The following TBC1D21 variants were observed in gnomAD, a reference collection of about 807,000 sequenced individuals.
TBC1D21 encodes the protein male germ cell Rab GTPase-activating protein.
Under a neutral mutation model 46.0 loss-of-function variants are expected in TBC1D21, and 38 were observed. The ratio of observed to expected loss-of-function variants is 0.83; its 90% CI spans 0.64 to 1.08. The LOEUF is 1.08. Ranked by LOEUF, TBC1D21 falls within the 50% of genes least tolerant of loss-of-function variation. The probability of loss-of-function intolerance (pLI) is 0.00; values close to 1 mark genes in which losing one functional copy is unlikely to be tolerated. For missense variants in TBC1D21, 415 were observed against 417.9 expected (o/e 0.99, Z 0.06); for synonymous variants, 151 against 157.2 (o/e 0.96, Z 0.29).
At chr15:73,899,192 T>C in the TBC1D21 span, among the ~76,000 whole-genome samples, 5 of 152,048 alleles carry the variant, frequency 3.3e-5, no homozygotes, top group African/African-American at 1.2e-4. Flanking sequence ...AGAGGTCTGA[T>C]GAGCTTCAGT....
At chr15:73,888,606 T>TCCTCCTCCTCCTCC (rs2068300068) in intron 10 of TBC1D21, 93 bp downstream of exon 10, 1 of 758,260 alleles carries the variant, frequency 1.3e-6, no homozygotes, top group Admixed American at 2.3e-5. Flanking sequence ...CCTCCTCCTC[T>TCCTCCTCCTCCTCC]TCTTCCTCCT....
chr15:73,901,078 C>T, the TBC1D21 span, among the ~76,000 whole-genome samples: 393 of 152,314 alleles, frequency 2.6e-3, no homozygotes, highest in Non-Finnish European at 4.6e-3. Context: ...ACCAGGCCCA[C>T]AGAGCAAAGA....
intron 4 of TBC1D21, among the ~76,000 whole-genome samples, chr15:73,884,575 C>T (rs1158294256): frequency 1.3e-5 from 2 of 152,112 alleles, no homozygotes; most frequent in Admixed American, 6.5e-5. Flanking sequence ...GGTACGGCCT[C>T]GTTAGAGGGT....
At chr15:73,885,138 C>G (rs764938502) in intron 6 of TBC1D21, 35 bp downstream of exon 6, 3 of 1,572,704 alleles carry the variant, frequency 1.9e-6, no homozygotes, top group African/African-American at 2.7e-5. Flanking sequence ...GACGCCCCTC[C>G]CCAACCCCCC....
chr15:73,886,656 C>T (rs1430339393), intron 8 of TBC1D21, 44 bp downstream of exon 8: 2 of 1,567,010 alleles, frequency 1.3e-6, no homozygotes, highest in South Asian at 2.2e-5. Flanking sequence ...CTCCACCCAT[C>T]AGGCAGAGTG....
intron 1 of TBC1D21, among the ~76,000 whole-genome samples, chr15:73,880,913 A>G (rs1388356320): frequency 6.6e-6 from 1 of 152,192 alleles, no homozygotes; most frequent in East Asian, 1.9e-4. Context: ...TCAATGCATT[A>G]TATATTAGAG....
intron 1 of TBC1D21, among the ~76,000 whole-genome samples, chr15:73,877,059 A>G (rs1265679444): frequency 6.6e-6 from 1 of 152,194 alleles, no homozygotes; most frequent in African/African-American, 2.4e-5. Flanking sequence ...TGATCTGTAA[A>G]ACAGTACAAG....
chr15:73,887,092 C>G (rs1330961449), intron 8 of TBC1D21, among the ~76,000 whole-genome samples: 2 of 152,108 alleles, frequency 1.3e-5, no homozygotes, highest in Non-Finnish European at 2.9e-5. Context: ...TGAGGAATGC[C>G]ACCCCCACCC....
chr15:73,895,594 C>G, the TBC1D21 span, among the ~76,000 whole-genome samples: 1 of 152,318 alleles, frequency 6.6e-6, no homozygotes, highest in East Asian at 1.9e-4. Context: ...TACCCGAACA[C>G]CGGTAGTGCA....
chr15:73,897,073 A>T, the TBC1D21 span, among the ~76,000 whole-genome samples: 1 of 152,024 alleles, frequency 6.6e-6, no homozygotes, highest in African/African-American at 2.4e-5. Context: ...GATCCTCTCC[A>T]TTTCTCCATC....
chr15:73,901,192 T>C, the TBC1D21 span, among the ~76,000 whole-genome samples: 5 of 152,198 alleles, frequency 3.3e-5, no homozygotes, highest in African/African-American at 1.2e-4. Flanking sequence ...GGCTCAAAGT[T>C]GAGTCCCTCT....
At position 73,885,086 on chromosome 15, in the gene TBC1D21, T is replaced by C; in HGVS notation, c.562T>C (p.Phe188Leu). 1.2e-6 allele frequency: 2 copies of C among 1,612,462 alleles called. No individual in the cohort carries two copies. Among genetic ancestry groups the C allele is most frequent in the Middle Eastern group, 1.7e-4 (1 of 6,058 alleles). Reference sequence around the variant, plus strand: ...CCACGAGACCTTCTGGCTTTTCCAGTTCTTCCTGCAGAAAACGGTGAGGGC... The same window carrying C: ...CCACGAGACCTTCTGGCTTTTCCAGCTCTTCCTGCAGAAAACGGTGAGGGC... ...HDHETFWLFQ[F>L]FLQKTEHSCV... Residue 188 changes from phenylalanine (F) to leucine (L), a missense_variant, in exon 6 of 11, where the codon TTC (phenylalanine) becomes CTC (leucine). By Grantham distance (22) the Phe-to-Leu change is conservative. Coordinates refer to ENST00000300504, the MANE Select transcript of TBC1D21 (RefSeq NM_153356.3).
chr15:73,874,743 G>A (rs922062659), intron 1 of TBC1D21, among the ~76,000 whole-genome samples: 2 of 152,166 alleles, frequency 1.3e-5, no homozygotes, highest in Admixed American at 1.3e-4. Flanking sequence ...AACTGGAGAC[G>A]AAGCCCAGAG....
At chr15:73,893,316 C>T (rs2068351706), downstream of TBC1D21, among the ~76,000 whole-genome samples, 1 of 152,092 alleles carries the variant, frequency 6.6e-6, no homozygotes, top group Admixed American at 6.5e-5. Flanking sequence ...ATGAGCAAGG[C>T]CTAGACATAA....
At chr15:73,899,895 A>T in the TBC1D21 span, among the ~76,000 whole-genome samples, 1 of 152,156 alleles carries the variant, frequency 6.6e-6, no homozygotes, top group Non-Finnish European at 1.5e-5. Context: ...GGCCCCAGGG[A>T]GCTCAGCCTG....
Position 73,873,764 on chromosome 15 carries a change from A to T in TBC1D21, c.55A>T (p.Ile19Phe). Residue 19 changes from isoleucine to phenylalanine, a missense_variant, in exon 1 of 11, where the codon ATC (isoleucine) becomes TTC (phenylalanine). Transcript: ENST00000300504. ...SLSARQSASF[I>F]LVKRKPPIDK... ...CTCTGCCAGACAGTCAGCCTCCTTC[A>T]TCCTGGTGCGTGTTCTTTGTCAGCT... The T allele has an allele frequency of 6.2e-7, 1 of 1,609,988 alleles. No homozygotes were observed. The highest frequency in any genetic ancestry group is 8.5e-7 in the Non-Finnish European group (1 of 1,177,852).
intron 1 of TBC1D21, among the ~76,000 whole-genome samples, chr15:73,874,170 G>A (rs957073913): frequency 2.6e-5 from 4 of 152,096 alleles, no homozygotes; most frequent in Non-Finnish European, 4.4e-5. Context: ...GTTAGAAGTC[G>A]GCTTCAGTCA....
downstream of TBC1D21, among the ~76,000 whole-genome samples, chr15:73,892,920 T>C (rs1267668590): frequency 6.6e-6 from 1 of 152,068 alleles, no homozygotes; most frequent in African/African-American, 2.4e-5. Flanking sequence ...TCAGTGATGG[T>C]GGTAGTAATG....
At chr15:73,873,882 T>C in intron 1 of TBC1D21, 113 bp downstream of exon 1, 2 of 1,266,096 alleles carry the variant, frequency 1.6e-6, no homozygotes, top group Non-Finnish European at 1.1e-6. Context: ...ACATAGAAGG[T>C]GGAGCAAGGG....
Sources: allele counts gnomAD v4.1 joint callset (sites outside exome capture counted in the v4.1 genomes callset), GRCh38; gene constraint gnomAD v4.1.1; transcripts MANE v1.5; gene names NCBI Gene and HGNC (gene_info 2026-07-23, HGNC 2026-07-21).